Variants in PRKCA observed in about 807,000 individuals in gnomAD.
PRKCA encodes protein kinase C alpha.
PRKCA carries 27 observed loss-of-function variants against 87.0 expected under a neutral mutation model. The observed-to-expected ratio is 0.31, with a 90% CI of 0.23 to 0.43. The LOEUF (loss-of-function observed/expected upper bound fraction) is 0.43, where lower values mean the gene tolerates loss of function less well. PRKCA is among the 20% of genes least tolerant of loss of function. The pLI is 1.00. For synonymous variants in PRKCA, 329 were observed against 311.1 expected (o/e 1.06, Z -0.61); for missense variants, 518 against 852.3 (o/e 0.61, Z 4.88).
At chr17:66,673,153 AT>A (rs1972238188) in intron 5 of PRKCA, among the ~76,000 whole-genome samples, 3 of 152,228 alleles carry the variant, frequency 2.0e-5, no homozygotes, top group Admixed American at 1.3e-4. Flanking sequence ...TTAATGTAAA[AT>A]TTTATGTCCC....
At chr17:66,341,017 T>C (rs922799454) in intron 2 of PRKCA, among the ~76,000 whole-genome samples, 13 of 152,196 alleles carry the variant, frequency 8.5e-5, no homozygotes, top group African/African-American at 2.9e-4. Flanking sequence ...AGATTGATTA[T>C]TACGGATCTG....
chr17:66,416,938 A>T (rs753875065), intron 2 of PRKCA: 33 of 157,778 alleles, frequency 2.1e-4, no homozygotes, highest in Non-Finnish European at 3.7e-4. Flanking sequence ...TCGCTCTGTC[A>T]CCTAGGCTGG....
chr17:66,685,719 C>T (rs1429410496), intron 5 of PRKCA, among the ~76,000 whole-genome samples: 3 of 152,226 alleles, frequency 2.0e-5, no homozygotes, highest in Admixed American at 1.3e-4. Context: ...GACCCAACAT[C>T]TTTAGGGTTC....
intron 2 of PRKCA, among the ~76,000 whole-genome samples, chr17:66,400,380 G>A (rs1910951068): frequency 6.6e-6 from 1 of 152,206 alleles, no homozygotes; most frequent in South Asian, 2.1e-4. Context: ...TCAAACTCCT[G>A]ACCTCAAGTG....
chr17:66,580,003 G>C (rs1425395014), intron 3 of PRKCA, among the ~76,000 whole-genome samples: 1 of 152,188 alleles, frequency 6.6e-6, no homozygotes, highest in Non-Finnish European at 1.5e-5. Flanking sequence ...AGATCCTCAA[G>C]ATCAGGGGAG....
intron 5 of PRKCA, among the ~76,000 whole-genome samples, chr17:66,685,585 G>A (rs1232058506): frequency 2.6e-5 from 4 of 152,260 alleles, no homozygotes; most frequent in African/African-American, 9.6e-5. Flanking sequence ...AGGCTTCCAG[G>A]TAAGGAGGAT....
intron 3 of PRKCA, among the ~76,000 whole-genome samples, chr17:66,581,406 T>C (rs1205538469): frequency 1.3e-5 from 2 of 152,252 alleles, no homozygotes; most frequent in Non-Finnish European, 2.9e-5. Context: ...TCACAAAATA[T>C]TATTCTTCCA....
Position 66,456,672 on chromosome 17 carries a change from C to A in PRKCA, c.206-39529C>A, listed in dbSNP as rs183245832. On this transcript the variant is annotated intron_variant, in intron 2 of 16. Transcript: ENST00000413366. ...TTGGAGATTATTTGGGGACTGACTG[C>A]GAGGCAAGTGAATGAAATAGATGGC... Among the ~76,000 whole-genome samples the A allele has an allele frequency of 4.9e-4, 74 of 152,178 alleles. 1 individual carries two copies. The highest frequency in any genetic ancestry group is 1.7e-3 in the African/African-American group (72 of 41,522).
At chr17:66,740,742 T>G (rs1233823563) in intron 11 of PRKCA, among the ~76,000 whole-genome samples, 3 of 152,224 alleles carry the variant, frequency 2.0e-5, no homozygotes, top group Non-Finnish European at 4.4e-5. Context: ...AGAGTCACCC[T>G]ATGTTATAAA....
intron 14 of PRKCA, among the ~76,000 whole-genome samples, chr17:66,781,703 A>T (rs1030924133): frequency 1.3e-5 from 2 of 152,010 alleles, no homozygotes; most frequent in Admixed American, 1.3e-4. Context: ...GGACAGGAGA[A>T]TGGGGAGTCT....
chr17:66,725,092 G>A (rs992663284), intron 8 of PRKCA, among the ~76,000 whole-genome samples: 2 of 152,172 alleles, frequency 1.3e-5, no homozygotes, highest in Non-Finnish European at 2.9e-5. Context: ...AACTAGTCTC[G>A]TGTGGCCTCT....
chr17:66,572,575 C>G (rs1969114029), intron 3 of PRKCA, among the ~76,000 whole-genome samples: 1 of 152,188 alleles, frequency 6.6e-6, no homozygotes, highest in Non-Finnish European at 1.5e-5. Context: ...CCACAGCTCA[C>G]TGCAGCCTTA....
At position 66,765,428 on chromosome 17, in the gene PRKCA, A is replaced by ATATCTATATATCTATATC. The variant is rs1568020922; in HGVS notation, c.1525-8556_1525-8555insCTATATATCTATATCTAT. Among the ~76,000 whole-genome samples, 418 of 102,820 alleles carry ATATCTATATATCTATATC rather than the reference A, an allele frequency of 4.1e-3. 7 individuals are homozygous for ATATCTATATATCTATATC. Among genetic ancestry groups the ATATCTATATATCTATATC allele is most frequent in the Middle Eastern group, 0.02 (4 of 200 alleles). 67.5% of individuals were successfully genotyped at this position (102,820 alleles called of 152,430 possible). On this transcript the variant is annotated intron_variant, in intron 13 of 16. Coordinates refer to ENST00000413366, the MANE Select transcript of PRKCA (RefSeq NM_002737.3). ...AGAGCAAGACTTTGTCTATATATAT[A>ATATCTATATATCTATATC]TATATATATATATATATATATATAT...
chr17:66,583,306 C>T (rs1228288427), intron 3 of PRKCA, among the ~76,000 whole-genome samples: 2 of 152,026 alleles, frequency 1.3e-5, no homozygotes, highest in African/African-American at 4.8e-5. Context: ...TCTGTTGTAT[C>T]TCATTGTCGT....
At chr17:66,593,953 C>T (rs182201822) in intron 3 of PRKCA, among the ~76,000 whole-genome samples, 16 of 152,274 alleles carry the variant, frequency 1.1e-4, no homozygotes, top group East Asian at 3.9e-4. Flanking sequence ...GGCATGGTGG[C>T]GGCTGCCTGT....
intron 2 of PRKCA, among the ~76,000 whole-genome samples, chr17:66,408,512 C>T (rs1911552458): frequency 6.6e-6 from 1 of 152,086 alleles, no homozygotes; most frequent in Non-Finnish European, 1.5e-5. Context: ...ATTAAAGCAC[C>T]GTGTATATGT....
At chr17:66,520,034 T>G (rs1400722195) in intron 3 of PRKCA, among the ~76,000 whole-genome samples, 3 of 151,914 alleles carry the variant, frequency 2.0e-5, no homozygotes, top group African/African-American at 7.2e-5. Flanking sequence ...TGGTTTGTTT[T>G]GTTTGTTTGT....
intron 11 of PRKCA, among the ~76,000 whole-genome samples, chr17:66,741,091 G>A (rs1355896028): frequency 6.6e-6 from 1 of 152,138 alleles, no homozygotes; most frequent in African/African-American, 2.4e-5. Context: ...CTTTTAATCT[G>A]AGTTTCAGCT....
In PRKCA at chr17:66,558,771, AGAT is replaced by A. The variant is rs1968583794; in HGVS notation, c.288+62495_288+62497del. 2.0e-5 allele frequency among the ~76,000 whole-genome samples: 3 copies of A among 152,282 alleles called. No homozygotes were observed. The South Asian group carries it at 6.2e-4, about 32-fold the overall frequency. ...TGGCAATTGCAGTTGTTTTAGTCCA[AGAT>A]GATGATACCCGCAGCTGGGGTGGTG... On this transcript the variant is annotated intron_variant, in intron 3 of 16. Transcript: ENST00000413366.
Sources: allele counts gnomAD v4.1 joint callset (sites outside exome capture counted in the v4.1 genomes callset), GRCh38; gene constraint gnomAD v4.1.1; transcripts MANE v1.5; gene names NCBI Gene and HGNC (gene_info 2026-07-23, HGNC 2026-07-21).